ITGB3BP: variants seen among roughly 807,000 people sequenced by gnomAD.
The protein encoded by ITGB3BP is integrin subunit beta 3 binding protein.
Under a neutral mutation model 29.1 loss-of-function variants are expected in ITGB3BP, and 27 were observed. That is an observed-to-expected ratio of 0.93 (90% confidence interval 0.68 to 1.28). The LOEUF (loss-of-function observed/expected upper bound fraction) is 1.28, where lower values mean the gene tolerates loss of function less well. Among genes scored for constraint, ITGB3BP ranks in the 50% most tolerant of loss-of-function variants. The probability of loss-of-function intolerance (pLI) is 0.00; values close to 1 mark genes in which losing one functional copy is unlikely to be tolerated. For missense variants in ITGB3BP, 192 were observed against 200.2 expected, an observed-to-expected ratio of 0.96 and a Z score of 0.25; for synonymous variants, 61 against 61.4, an observed-to-expected ratio of 0.99 and a Z score of 0.03.
chr1:63,484,297 C>T (rs562429907), intron 3 of ITGB3BP, among the ~76,000 whole-genome samples: 2 of 151,976 alleles, frequency 1.3e-5, no homozygotes, highest in East Asian at 1.9e-4. Flanking sequence ...CTATTTTCTA[C>T]AAGGGACTTG....
intron 2 of ITGB3BP, among the ~76,000 whole-genome samples, chr1:63,491,489 G>C (rs1422432120): frequency 6.6e-6 from 1 of 152,146 alleles, no homozygotes; most frequent in East Asian, 1.9e-4. Context: ...GGGGATATAG[G>C]AAAGGTCTGA....
rs373640022 is a variant in ITGB3BP at position 63,482,229 on chromosome 1, C to T, written c.185-3396G>A. ...CAGAGGTTGCAGTGAGCCGAGATCA[C>T]GCCACTGCACTCCAGCCTGGGTGAC... On this transcript the variant is annotated intron_variant, in intron 3 of 8. Coordinates refer to ENST00000271002, the MANE Select transcript of ITGB3BP (RefSeq NM_014288.5). Among the ~76,000 whole-genome samples, 14 of 136,246 alleles carry T rather than the reference C, an allele frequency of 1.0e-4. No individual in the cohort carries two copies. The South Asian group carries it at 1.4e-3, about 14-fold the overall frequency. The allele number at this position is 136,246 out of a possible 152,430, so 89.4% of individuals were successfully genotyped here.
intron 2 of ITGB3BP, among the ~76,000 whole-genome samples, chr1:63,501,512 A>G (rs951349978): frequency 6.6e-6 from 1 of 152,070 alleles, no homozygotes; most frequent in Admixed American, 6.5e-5. Context: ...TTTTGGGGTG[A>G]GAGAAATGTT....
intron 4 of ITGB3BP, among the ~76,000 whole-genome samples, chr1:63,478,421 A>G (rs1187861179): frequency 6.6e-6 from 1 of 152,212 alleles, no homozygotes; most frequent in African/African-American, 2.4e-5. Flanking sequence ...ATCCTGAACC[A>G]GCTATTTGTT....
chr1:63,513,820 C>T (rs902184003), intron 1 of ITGB3BP, among the ~76,000 whole-genome samples: 1 of 152,146 alleles, frequency 6.6e-6, no homozygotes, highest in Non-Finnish European at 1.5e-5. Flanking sequence ...AAACTAGTTT[C>T]AGAAGTGCTA....
intron 7 of ITGB3BP, chr1:63,449,559 C>T (rs571011461): frequency 6.6e-6 from 1 of 152,348 alleles, no homozygotes; most frequent in South Asian, 2.1e-4. Context: ...AATGACGAAT[C>T]GTGTAAAACA....
At chr1:63,445,217 T>C (rs551152325) in intron 8 of ITGB3BP, among the ~76,000 whole-genome samples, 90 of 151,904 alleles carry the variant, frequency 5.9e-4, no homozygotes, top group African/African-American at 2.1e-3. Flanking sequence ...ATACAGGAGG[T>C]GGAGGTTTCA....
At chr1:63,511,033 T>A (rs1351995576) in intron 1 of ITGB3BP, among the ~76,000 whole-genome samples, 1 of 152,176 alleles carries the variant, frequency 6.6e-6, no homozygotes, top group African/African-American at 2.4e-5. Context: ...GTGATATCTA[T>A]CTGGTAGTTC....
intron 1 of ITGB3BP, among the ~76,000 whole-genome samples, chr1:63,522,192 T>C (rs1026144821): frequency 4.6e-5 from 7 of 152,204 alleles, no homozygotes; most frequent in Non-Finnish European, 1.0e-4. Flanking sequence ...AAAACGTAGA[T>C]AAATTGATTA....
intron 1 of ITGB3BP, among the ~76,000 whole-genome samples, chr1:63,509,384 T>C (rs1329915978): frequency 6.6e-6 from 1 of 152,184 alleles, no homozygotes; most frequent in Non-Finnish European, 1.5e-5. Context: ...CAGTGACAAA[T>C]GCAGTGTTAA....
intron 4 of ITGB3BP, among the ~76,000 whole-genome samples, chr1:63,478,311 A>G (rs1645376705): frequency 6.6e-6 from 1 of 152,184 alleles, no homozygotes; most frequent in Non-Finnish European, 1.5e-5. Flanking sequence ...ATTCAAAGGA[A>G]CCACCAGCAG....
chr1:63,497,414 GCA>G (rs1326734862), intron 2 of ITGB3BP, among the ~76,000 whole-genome samples: 1 of 152,172 alleles, frequency 6.6e-6, no homozygotes, highest in Non-Finnish European at 1.5e-5. Context: ...CCACTGTCCT[GCA>G]TTGTTGCAGT....
Position 63,440,938 on chromosome 1 carries a change from A to G in ITGB3BP, c.*167T>C, listed in dbSNP as rs1035870594. 5.9e-5 allele frequency: 9 copies of G among 152,656 alleles called. No homozygotes were observed. Among genetic ancestry groups the G allele is most frequent in the African/African-American group, 2.2e-4 (9 of 41,458 alleles). 9.5% of individuals were successfully genotyped at this position (152,656 alleles called of 1,614,324 possible). On this transcript the variant is annotated 3_prime_UTR_variant, in exon 9 of 9. Transcript: ENST00000271002. ...TGAGATTATCTACTGGTGCGTGTAG[A>G]AAGTTTAAATTAGCTGCAAGAAATT... is the stretch of plus-strand genomic sequence containing the variant.
chr1:63,508,460 G>T, intron 2 of ITGB3BP, 68 bp downstream of exon 2: 1 of 694,468 alleles, frequency 1.4e-6, no homozygotes, highest in Non-Finnish European at 2.4e-6. Context: ...TATTTAACGA[G>T]ATAAATCAGT....
intron 4 of ITGB3BP, among the ~76,000 whole-genome samples, chr1:63,470,521 A>G (rs1570174615): frequency 6.6e-6 from 1 of 152,222 alleles, no homozygotes; most frequent in Non-Finnish European, 1.5e-5. Context: ...GGAATTATAC[A>G]CTATGAAACC....
At chr1:63,503,161 T>C (rs1645982236) in intron 2 of ITGB3BP, among the ~76,000 whole-genome samples, 1 of 152,092 alleles carries the variant, frequency 6.6e-6, no homozygotes, top group Admixed American at 6.5e-5. Flanking sequence ...TTTCTCCACA[T>C]CCTCTCCAGC....
chr1:63,444,187 T>G (rs995036403), intron 8 of ITGB3BP, among the ~76,000 whole-genome samples: 5 of 152,140 alleles, frequency 3.3e-5, no homozygotes, highest in African/African-American at 1.2e-4. Flanking sequence ...CACCCCAAAA[T>G]GTGGTTATCT....
At position 63,453,934 on chromosome 1, in the gene ITGB3BP, T is replaced by C. The variant is rs772803596; in HGVS notation, c.468A>G (p.Thr156=). 3 of 1,582,900 alleles carry C rather than the reference T, an allele frequency of 1.9e-6. No homozygotes were observed. In the Admixed American group the frequency reaches 5.2e-5, roughly 27 times the overall value. Residue 156 remains threonine, a synonymous_variant, in exon 7 of 9, where the codon ACA becomes ACG. Transcript: ENST00000271002. ...VNKQKLFEKS[T]GLPHKASRHL... ...ACTACTTACCTTTGTGAGGAAGTCC[T>C]GTACTCTTTTCAAACAGTTTTTGTT...
intron 2 of ITGB3BP, among the ~76,000 whole-genome samples, chr1:63,491,655 A>G (rs1478123987): frequency 6.6e-6 from 1 of 152,220 alleles, no homozygotes; most frequent in Non-Finnish European, 1.5e-5. Flanking sequence ...TTAGTTCCAG[A>G]ATCTATAGCA....
Sources: allele counts gnomAD v4.1 joint callset (sites outside exome capture counted in the v4.1 genomes callset), GRCh38; gene constraint gnomAD v4.1.1; transcripts MANE v1.5; gene names NCBI Gene and HGNC (gene_info 2026-07-23, HGNC 2026-07-21).